ARAP2: variants seen among roughly 807,000 people sequenced by gnomAD.
The protein encoded by ARAP2 is ArfGAP with RhoGAP domain, ankyrin repeat and PH domain 2.
In ARAP2, 148 loss-of-function variants were observed where a neutral mutation model predicts 194.5. The ratio of observed to expected loss-of-function variants is 0.76; its 90% CI spans 0.67 to 0.87. The LOEUF is 0.87. Among genes scored for constraint, ARAP2 ranks in the 40% least tolerant of loss-of-function variants. The probability of loss-of-function intolerance (pLI) is 0.00; values close to 1 mark genes in which losing one functional copy is unlikely to be tolerated. For missense variants in ARAP2, 2,128 were observed against 1,989.7 expected, an observed-to-expected ratio of 1.07 and a Z score of -1.32; for synonymous variants, 695 against 683.5, an observed-to-expected ratio of 1.02 and a Z score of -0.26.
Position 36,091,878 on chromosome 4 carries a change from T to C in ARAP2, c.4425+3A>G. ...AAAATGTACGCATGTTCAAATACTA[T>C]ACCTTCACATCCTTGTAAAGAAAGA... On this transcript the variant is annotated splice_donor_region_variant and intron_variant, in intron 28 of 32. Coordinates refer to ENST00000303965, the MANE Select transcript of ARAP2 (RefSeq NM_015230.4). The C allele has an allele frequency of 1.9e-6, 3 of 1,593,098 alleles. No individual in the cohort carries two copies. The highest frequency in any genetic ancestry group is 2.3e-5 in the East Asian group (1 of 44,398).
At chr4:36,042,758 C>T (rs1353509945) in intron 5 of ARAP2, among the ~76,000 whole-genome samples, 1 of 152,108 alleles carries the variant, frequency 6.6e-6, no homozygotes, top group Non-Finnish European at 1.5e-5. Context: ...ATGCTAATGG[C>T]TCCCTCTGGT....
intron 21 of ARAP2, among the ~76,000 whole-genome samples, chr4:36,126,835 CTGT>C (rs962621626): frequency 5.3e-5 from 8 of 152,046 alleles, no homozygotes; most frequent in South Asian, 2.1e-4. Flanking sequence ...ATATTTGTCG[CTGT>C]TGTTGTTGTT....
At chr4:36,061,725 T>C (rs1724474478), downstream of ARAP2, among the ~76,000 whole-genome samples, 1 of 152,232 alleles carries the variant, frequency 6.6e-6, no homozygotes, top group Admixed American at 6.5e-5. Flanking sequence ...TTTTAGTTTC[T>C]TGAGGAACCT....
intron 1 of ARAP2, among the ~76,000 whole-genome samples, chr4:36,241,782 T>C (rs1478333071): frequency 2.0e-5 from 3 of 152,244 alleles, no homozygotes; most frequent in African/African-American, 7.2e-5. Flanking sequence ...CATGGTTTTA[T>C]ATTTTAGTAT....
intron 30 of ARAP2, 134 bp from the exon 31 acceptor site, chr4:36,080,413 G>T: frequency 1.5e-6 from 1 of 668,024 alleles, no homozygotes; most frequent in Non-Finnish European, 2.6e-6. Context: ...TCACAAAAGT[G>T]GAACATTTCA....
At chr4:36,108,673 T>C (rs1719063335) in intron 26 of ARAP2, among the ~76,000 whole-genome samples, 1 of 151,988 alleles carries the variant, frequency 6.6e-6, no homozygotes, top group Admixed American at 6.6e-5. Context: ...ATTCTTAGCA[T>C]AGAGTTAAAA....
At chr4:36,130,686 C>A (rs1360510191) in intron 20 of ARAP2, among the ~76,000 whole-genome samples, 1 of 151,874 alleles carries the variant, frequency 6.6e-6, no homozygotes, top group Non-Finnish European at 1.5e-5. Context: ...ATTCATAAAT[C>A]TGTAAACTCC....
chr4:36,210,627 G>T lies in ARAP2; in HGVS notation c.1250C>A (p.Thr417Lys), dbSNP rs767776275. Residue 417 changes from threonine to lysine, a missense_variant, in exon 6 of 33, where the codon ACA becomes AAA. Coordinates refer to ENST00000303965, the MANE Select transcript of ARAP2 (RefSeq NM_015230.4). The part of the protein sequence containing the change: ...IDTASESEYS[T>K]VEECFQSLRR... ...TAAACTCTGAAAGCATTCTTCTACTGTTGAGTATTCTGATTCAGAAGCAGT... is the reference window on the plus strand; with the variant it reads ...TAAACTCTGAAAGCATTCTTCTACTTTTGAGTATTCTGATTCAGAAGCAGT... 44 of 1,613,834 alleles carry T rather than the reference G, an allele frequency of 2.7e-5. 1 individual carries two copies. In the South Asian group the frequency reaches 4.6e-4, roughly 17 times the overall value.
intron 8 of ARAP2, among the ~76,000 whole-genome samples, chr4:36,178,872 G>T (rs950031408): frequency 2.0e-5 from 3 of 152,158 alleles, no homozygotes; most frequent in African/African-American, 7.2e-5. Context: ...TAAAAAAGAG[G>T]TATATGTGGT....
At chr4:36,178,300 G>A (rs1253253295) in intron 8 of ARAP2, among the ~76,000 whole-genome samples, 1 of 152,156 alleles carries the variant, frequency 6.6e-6, no homozygotes, top group Non-Finnish European at 1.5e-5. Flanking sequence ...ATTTTAAAAA[G>A]AACTGCAGAT....
intron 31 of ARAP2, among the ~76,000 whole-genome samples, chr4:36,076,386 T>C (rs1257711787): frequency 2.0e-5 from 3 of 152,038 alleles, no homozygotes; most frequent in Non-Finnish European, 4.4e-5. Context: ...CACTCCCCCA[T>C]CTTAAAGATA....
At chr4:36,115,791 T>C (rs980006761) in intron 25 of ARAP2, among the ~76,000 whole-genome samples, 8 of 152,016 alleles carry the variant, frequency 5.3e-5, no homozygotes, top group African/African-American at 1.9e-4. Context: ...ATCATAAGCA[T>C]TAAAACCTAA....
chr4:36,022,778 C>G (rs1012118011), intron 5 of ARAP2, among the ~76,000 whole-genome samples: 2 of 152,088 alleles, frequency 1.3e-5, no homozygotes, highest in African/African-American at 4.8e-5. Flanking sequence ...CGGATAACCC[C>G]TCCAAAATTT....
chr4:36,083,466 AT>A lies in ARAP2; in HGVS notation c.4426-17del, dbSNP rs772416073. 4.0e-6 allele frequency: 6 copies of A among 1,496,332 alleles called. No individual in the cohort carries two copies. Among genetic ancestry groups the A allele is most frequent in the Admixed American group, 2.1e-5 (1 of 47,456 alleles). The allele number at this position is 1,496,332 out of a possible 1,614,324, so 92.7% of individuals were successfully genotyped here. A position where few individuals can be genotyped will look rare whatever the true frequency, so the allele number is the denominator to read the frequency against. On this transcript the variant is annotated splice_polypyrimidine_tract_variant and intron_variant, in intron 28 of 32. Transcript: ENST00000303965. ...GTTTACTACTCTGTAAGGTAAAAAA[AT>A]AATTTGTAATTAAATGGATTTACAC...
chr4:36,145,081 G>GA (rs572641889), intron 19 of ARAP2, among the ~76,000 whole-genome samples: 1 of 151,502 alleles, frequency 6.6e-6, no homozygotes, highest in Non-Finnish European at 1.5e-5. Flanking sequence ...AAGCCAAGGG[G>GA]AAAAAAACCA....
At chr4:36,231,995 A>G (rs1269440008) in intron 1 of ARAP2, among the ~76,000 whole-genome samples, 1 of 152,162 alleles carries the variant, frequency 6.6e-6, no homozygotes, top group Non-Finnish European at 1.5e-5. Flanking sequence ...GACACCAGAG[A>G]GTTTTCTTTC....
At chr4:36,160,752 G>C in intron 12 of ARAP2, 111 bp from the exon 13 acceptor site, 2 of 931,868 alleles carry the variant, frequency 2.1e-6, no homozygotes, top group Non-Finnish European at 2.9e-6. Context: ...ATAAAATACA[G>C]GAAAACACAT....
chr4:36,177,114 AAAAG>A (rs954106416), intron 9 of ARAP2, among the ~76,000 whole-genome samples: 3 of 152,064 alleles, frequency 2.0e-5, no homozygotes, highest in African/African-American at 7.2e-5. Context: ...AATTTTAGAA[AAAAG>A]AAAGTCTACA....
intron 9 of ARAP2, among the ~76,000 whole-genome samples, chr4:36,170,004 T>G (rs1736240240): frequency 6.6e-6 from 1 of 152,194 alleles, no homozygotes; most frequent in Non-Finnish European, 1.5e-5. Flanking sequence ...CTGTGGACAT[T>G]AAGCCATTAT....
Sources: gnomAD v4.1 joint callset for allele counts (sites outside exome capture counted in the v4.1 genomes callset) on GRCh38, gnomAD v4.1.1 for gene constraint, MANE v1.5 for transcripts, NCBI Gene and HGNC (gene_info 2026-07-23, HGNC 2026-07-21) for gene names.